Variants in FAM83G observed in about 807,000 individuals in gnomAD.
The protein encoded by FAM83G is scaffolding CK1 anchoring protein G, also known as protein FAM83G.
In FAM83G, 38 loss-of-function variants were observed where a neutral mutation model predicts 61.5. The observed-to-expected ratio is 0.62, with a 90% CI of 0.48 to 0.81. The LOEUF (loss-of-function observed/expected upper bound fraction) is 0.81. Among genes scored for constraint, FAM83G ranks in the 30% least tolerant of loss-of-function variants. The pLI, the probability that FAM83G is intolerant of heterozygous loss-of-function variation, is 0.00. For missense variants in FAM83G, 989 were observed against 1,133.6 expected (o/e 0.87, Z 1.83); for synonymous variants, 470 against 476.1 (o/e 0.99, Z 0.17).
At chr17:18,985,845 C>A (rs1270531250) in intron 3 of FAM83G, among the ~76,000 whole-genome samples, 1 of 152,222 alleles carries the variant, frequency 6.6e-6, no homozygotes, top group Non-Finnish European at 1.5e-5. Flanking sequence ...CTGGTCACAG[C>A]CAGTGGAAGG....
intron 2 of FAM83G, among the ~76,000 whole-genome samples, chr17:19,001,372 G>A (rs1327276855): frequency 6.6e-6 from 1 of 152,160 alleles, no homozygotes; most frequent in Non-Finnish European, 1.5e-5. Flanking sequence ...TGCCTCTGAG[G>A]CCCCCACTGT....
In FAM83G at chr17:18,968,984, T is replaced by C; in HGVS notation, c.*2375A>G. On this transcript the variant is annotated 3_prime_UTR_variant, in exon 6 of 6. Coordinates refer to ENST00000388995, the MANE Select transcript of FAM83G (RefSeq NM_001039999.3). This position sits in a 1 kb window ranked among gnomAD's most constrained non-coding sequence, Gnocchi z 4.1. ...GGCCCAGAGAGGGCCTTGCCCGAGG[T>C]CACCCAGGGAGTGGCTTGCTGGAGC... is the stretch of plus-strand genomic sequence containing the variant. 1 of 1,497,210 alleles carries C rather than the reference T, an allele frequency of 6.7e-7. No homozygotes were observed. Among genetic ancestry groups the C allele is most frequent in the Non-Finnish European group, 9.0e-7 (1 of 1,108,858 alleles). 92.7% of individuals were successfully genotyped at this position (1,497,210 alleles called of 1,614,324 possible). A position where few individuals can be genotyped will look rare whatever the true frequency, so the allele number is the denominator to read the frequency against.
In FAM83G at chr17:19,004,146, T is replaced by A; in HGVS notation, c.-105A>T. On this transcript the variant is annotated 5_prime_UTR_variant, in exon 2 of 6. Transcript: ENST00000388995. This position sits in a 1 kb window ranked among gnomAD's most constrained non-coding sequence, Gnocchi z 5.4. ...CGCGCTCGGGGGCCTCTCCGCGGCCTCTGCTTCTCTGCCCATGAGCAATCT... is the reference window on the plus strand; with the variant it reads ...CGCGCTCGGGGGCCTCTCCGCGGCCACTGCTTCTCTGCCCATGAGCAATCT... 9.1e-7 allele frequency: 1 copy of A among 1,102,680 alleles called. No individual in the cohort carries two copies. The highest frequency in any genetic ancestry group is 1.3e-6 in the Non-Finnish European group (1 of 780,098). The allele number at this position is 1,102,680 out of a possible 1,614,324, so 68.3% of individuals were successfully genotyped here. A position where few individuals can be genotyped will look rare whatever the true frequency, so the allele number is the denominator to read the frequency against.
At chr17:18,999,767 C>G (rs2043680070) in intron 2 of FAM83G, among the ~76,000 whole-genome samples, 1 of 152,242 alleles carries the variant, frequency 6.6e-6, no homozygotes, top group Non-Finnish European at 1.5e-5. Context: ...TTCTCTGGGT[C>G]TGTTCCCAAG....
At chr17:19,005,227 C>T (rs541668983), upstream of FAM83G, among the ~76,000 whole-genome samples, 1 of 152,332 alleles carries the variant, frequency 6.6e-6, no homozygotes, top group South Asian at 2.1e-4. Flanking sequence ...CTTTCCTGAG[C>T]AGATACCCAG....
rs960378901 is a variant in FAM83G at position 18,982,040 on chromosome 17, C to G, written c.691-2367G>C. On this transcript the variant is annotated intron_variant, in intron 3 of 5. Transcript: ENST00000388995. ...CCGCCAGCATCAGGACCCTTCTGGA[C>G]AGTGTCTGTCCCCACCCATCCCAAA... is the stretch of plus-strand genomic sequence containing the variant. Among the ~76,000 whole-genome samples the G allele has an allele frequency of 9.8e-5, 15 of 152,354 alleles. No individual in the cohort carries two copies. The East Asian group carries it at 2.7e-3, about 27-fold the overall frequency.
chr17:19,005,871 C>T (rs953437962), upstream of FAM83G, among the ~76,000 whole-genome samples: 1 of 152,246 alleles, frequency 6.6e-6, no homozygotes, highest in African/African-American at 2.4e-5. Flanking sequence ...TATTTGCATC[C>T]TCCTCCTGCC....
Position 18,971,306 on chromosome 17 carries a change from CAT to C in FAM83G, c.*51_*52del. The stretch of plus-strand genomic sequence containing the variant: ...CAGGCGGCCTGTCTGCCCTCCGCGT[CAT>C]GAGTCTGGGCTGGGGCCTCAGAAGG... On this transcript the variant is annotated 3_prime_UTR_variant, in exon 6 of 6. Transcript: ENST00000388995. The surrounding 1 kb of genome is among the most constrained non-coding windows in gnomAD (Gnocchi z 5.5). 1 of 1,608,238 alleles carries C rather than the reference CAT, an allele frequency of 6.2e-7. No individual in the cohort carries two copies. Among genetic ancestry groups the C allele is most frequent in the South Asian group, 1.1e-5 (1 of 90,736 alleles).
chr17:18,970,610 C>T lies in FAM83G; in HGVS notation c.*749G>A. On this transcript the variant is annotated 3_prime_UTR_variant, in exon 6 of 6. Coordinates refer to ENST00000388995, the MANE Select transcript of FAM83G (RefSeq NM_001039999.3). ...ACCCTTCAGGTGATCAGGATGAACA[C>T]TTTAGAAGCCTCAGGAAGGTCCTCA... 3.9e-6 allele frequency: 1 copy of T among 259,514 alleles called. No homozygotes were observed. Among genetic ancestry groups the T allele is most frequent in the South Asian group, 4.7e-5 (1 of 21,316 alleles). The allele number at this position is 259,514 out of a possible 1,614,324, so 16.1% of individuals were successfully genotyped here.
intron 2 of FAM83G, among the ~76,000 whole-genome samples, chr17:19,002,223 T>C (rs755548492): frequency 6.6e-5 from 10 of 152,226 alleles, no homozygotes; most frequent in Admixed American, 2.0e-4. Flanking sequence ...CTCCATCTTA[T>C]AGATCAGAAA....
In FAM83G at chr17:18,969,625, C is replaced by T. The variant is rs1402436678; in HGVS notation, c.*1734G>A. ...GGACTGCCCTGGCTGGTAGAGGCTA[C>T]CCACCCTGCTGCCCCGCTGTTACCA... is the stretch of plus-strand genomic sequence containing the variant. On this transcript the variant is annotated 3_prime_UTR_variant, in exon 6 of 6. Transcript: ENST00000388995. 7 of 529,556 alleles carry T rather than the reference C, an allele frequency of 1.3e-5. No homozygotes were observed. Among genetic ancestry groups the T allele is most frequent in the Non-Finnish European group, 2.3e-5 (7 of 301,440 alleles). The allele number at this position is 529,556 out of a possible 1,614,324, so 32.8% of individuals were successfully genotyped here.
rs1414543380 is a variant in FAM83G, at chr17:18,979,629, C to T, written c.735G>A (p.Arg245=). The change falls in exon 4 of 6, where the codon CGG becomes CGA. Residue 245 remains arginine (R), a synonymous_variant. Transcript: ENST00000388995. ...GGGCACCCTTGAACTTGGTTGCCGA[C>T]CGCGTGAAGAACTCAGTTCCCCCGC... ...RSSGGTEFFT[R]SATKFKGALA... The T allele has an allele frequency of 1.2e-6, 2 of 1,613,444 alleles. No homozygotes were observed. Among genetic ancestry groups the T allele is most frequent in the Middle Eastern group, 1.6e-4 (1 of 6,076 alleles).
At position 19,003,386 on chromosome 17, in the gene FAM83G, G is replaced by A. The variant is rs2043782664; in HGVS notation, c.522+134C>T. The A allele has an allele frequency of 5.1e-6, 5 of 982,846 alleles. No individual in the cohort carries two copies. The highest frequency in any genetic ancestry group is 6.9e-6 in the Non-Finnish European group (5 of 729,234). The allele number at this position is 982,846 out of a possible 1,614,324, so 60.9% of individuals were successfully genotyped here. On this transcript the variant is annotated intron_variant, in intron 2 of 5. Coordinates refer to ENST00000388995, the MANE Select transcript of FAM83G (RefSeq NM_001039999.3). The surrounding 1 kb of genome is among the most constrained non-coding windows in gnomAD (Gnocchi z 4.5). ...GTGGGGAGGAAACCTCCACCCAAGA[G>A]GCAGCCAGGGAAAACAGCAGAGATC... is the stretch of plus-strand genomic sequence containing the variant.
chr17:19,005,653 C>CCCT (rs2043865600), upstream of FAM83G, among the ~76,000 whole-genome samples: 1 of 151,978 alleles, frequency 6.6e-6, no homozygotes, highest in African/African-American at 2.4e-5. Flanking sequence ...TCAAACCCCC[C>CCCT]CCCTCCAAGG....
Position 18,996,137 on chromosome 17 carries a change from A to G in FAM83G, c.522+7383T>C, listed in dbSNP as rs975265690. On this transcript the variant is annotated intron_variant, in intron 2 of 5. Transcript: ENST00000388995. The surrounding 1 kb of genome is among the most constrained non-coding windows in gnomAD (Gnocchi z 4.4). ...GCAATATCTTTAAAGTACTAAATGG[A>G]AAAAAAAAAAAATCAACTTAGAATT... is the stretch of plus-strand genomic sequence containing the variant. Among the ~76,000 whole-genome samples the G allele has an allele frequency of 2.1e-5, 2 of 94,334 alleles. No individual in the cohort carries two copies. Among genetic ancestry groups the G allele is most frequent in the East Asian group, 7.5e-4 (1 of 1,332 alleles). 61.9% of individuals were successfully genotyped at this position (94,334 alleles called of 152,430 possible).
rs2043153987 is a variant in FAM83G, at chr17:18,982,155, G to A, written c.691-2482C>T. Among the ~76,000 whole-genome samples the A allele has an allele frequency of 2.6e-5, 4 of 152,242 alleles. No homozygotes were observed. The South Asian group carries it at 8.3e-4, about 32-fold the overall frequency. ...AGCCGCAGGCCTCGGCTGGGCCGCT[G>A]ACTCGCTGTGACTCGAAGCAAGTCC... On this transcript the variant is annotated intron_variant, in intron 3 of 5. Coordinates refer to ENST00000388995, the MANE Select transcript of FAM83G (RefSeq NM_001039999.3).
Position 18,978,622 on chromosome 17 carries a change from C to CAAGG in FAM83G, c.1043_1044insCCTT (p.Lys348AsnfsTer20). On this transcript the variant is annotated frameshift_variant, in exon 5 of 6. Transcript: ENST00000388995. LOFTEE classifies it high-confidence loss of function. ...CGCTCTTGGCCTTGACAAGTGCGTA[C>CAAGG]TTGGGGTTGACGAGCTTCTTGGCCA... 2 of 1,613,146 alleles carry CAAGG rather than the reference C, an allele frequency of 1.2e-6. No homozygotes were observed. Among genetic ancestry groups the CAAGG allele is most frequent in the Non-Finnish European group, 1.7e-6 (2 of 1,180,004 alleles).
Position 18,978,192 on chromosome 17 carries a change from C to A in FAM83G, c.1474G>T (p.Gly492Cys), listed in dbSNP as rs767087152. ...GGCTCAGGGTCCCCCTGGGGGAGGC[C>A]GTTCTCAGCTGGGACACCGTCCTGG... ...APQDGVPAEN[G>C]LPQGDPEPLP... Residue 492 changes from glycine (G) to cysteine (C), a missense_variant, in exon 5 of 6, where the codon GGC (glycine) becomes TGC (cysteine). Gly to Cys is a radical substitution (Grantham distance 159). This residue lies in a region of FAM83G where 574 missense variants were observed against 645.1 expected (regional missense o/e 0.89). Transcript: ENST00000388995. 1.3e-6 allele frequency: 2 copies of A among 1,550,312 alleles called. No individual in the cohort carries two copies. Among genetic ancestry groups the A allele is most frequent in the Non-Finnish European group, 1.7e-6 (2 of 1,149,586 alleles).
intron 5 of FAM83G, among the ~76,000 whole-genome samples, chr17:18,972,557 G>A (rs561184010): frequency 1.8e-4 from 27 of 152,272 alleles, no homozygotes; most frequent in Non-Finnish European, 3.4e-4. Flanking sequence ...ACCCTCCCTG[G>A]GTTCCAACAG....
Sources: allele counts gnomAD v4.1 joint callset (sites outside exome capture counted in the v4.1 genomes callset), GRCh38; gene constraint gnomAD v4.1.1; regional missense constraint gnomAD v4.1.1; non-coding constraint Gnocchi (gnomAD v3.1); transcripts MANE v1.5; gene names NCBI Gene and HGNC (gene_info 2026-07-23, HGNC 2026-07-21).